Variants in TRAFD1 observed in about 807,000 individuals in gnomAD.
The protein encoded by TRAFD1 is TRAF-type zinc finger domain-containing protein 1.
A neutral mutation model predicts 65.3 loss-of-function variants in TRAFD1; 38 were observed. The ratio of observed to expected loss-of-function variants is 0.58; its 90% CI spans 0.45 to 0.76. The LOEUF is 0.76. Ranked by LOEUF, TRAFD1 falls within the 30% of genes least tolerant of loss-of-function variation. The pLI, the probability that TRAFD1 is intolerant of heterozygous loss-of-function variation, is 0.00. For missense variants in TRAFD1, 631 were observed against 712.6 expected (o/e 0.89, Z 1.30); for synonymous variants, 223 against 257.2 (o/e 0.87, Z 1.27).
At chr12:112,127,112 C>G (rs1009675346) in intron 1 of TRAFD1, among the ~76,000 whole-genome samples, 1 of 151,746 alleles carries the variant, frequency 6.6e-6, no homozygotes, top group African/African-American at 2.4e-5. Flanking sequence ...TCTGCCTTTA[C>G]TTTCTCTTTC....
chr12:112,152,553 C>A lies in TRAFD1; in HGVS notation c.1692+54C>A. 1.2e-6 allele frequency: 2 copies of A among 1,606,144 alleles called. No individual in the cohort carries two copies. Among genetic ancestry groups the A allele is most frequent in the Non-Finnish European group, 8.5e-7 (1 of 1,173,516 alleles). On this transcript the variant is annotated intron_variant, in intron 11 of 11. Coordinates refer to ENST00000412615, the MANE Select transcript of TRAFD1 (RefSeq NM_006700.3). This position sits in a 1 kb window ranked among gnomAD's most constrained non-coding sequence, Gnocchi z 5.0. ...AGTGGGGGACTCAGACATGGTGGGGCTTGTGTGGCTCCTGAAGTTGTAGAA... is the reference window on the plus strand; with the variant it reads ...AGTGGGGGACTCAGACATGGTGGGGATTGTGTGGCTCCTGAAGTTGTAGAA...
chr12:112,151,049 CT>C (rs890178897), intron 9 of TRAFD1, among the ~76,000 whole-genome samples: 20 of 151,956 alleles, frequency 1.3e-4, no homozygotes, highest in Admixed American at 7.2e-4. Flanking sequence ...ACCAGCCTGG[CT>C]GACATCATGA....
chr12:112,140,724 A>G, intron 4 of TRAFD1, 95 bp from the exon 5 acceptor site: 1 of 1,409,110 alleles, frequency 7.1e-7, no homozygotes, highest in Non-Finnish European at 9.7e-7. Flanking sequence ...TTGGAAGAGA[A>G]GATTGCAGTA....
chr12:112,152,413 T>C lies in TRAFD1; in HGVS notation c.1620-14T>C, dbSNP rs769561525. On this transcript the variant is annotated splice_polypyrimidine_tract_variant and intron_variant, in intron 10 of 11. Transcript: ENST00000412615. This position sits in a 1 kb window ranked among gnomAD's most constrained non-coding sequence, Gnocchi z 5.0. ...GGACACTTCAGGAGCTAGTTTCTAA[T>C]TGTTTTCTTTCAGTGGTAGGAGTGA... 1.9e-6 allele frequency: 3 copies of C among 1,611,872 alleles called. No individual in the cohort carries two copies. Among genetic ancestry groups the C allele is most frequent in the Non-Finnish European group, 2.5e-6 (3 of 1,180,026 alleles).
Position 112,149,764 on chromosome 12 carries a change from A to G in TRAFD1, c.1172A>G (p.Gln391Arg), listed in dbSNP as rs1035942152. ...VLFHHQDQCD[Q>R]RPATATNHVT... The stretch of plus-strand genomic sequence containing the variant: ...TTTCTTGTTTAGGACCAGTGTGACC[A>G]ACGCCCAGCCACTGCAACCAACCAT... Residue 391 changes from glutamine (Q) to arginine (R), a missense_variant, in exon 9 of 12, where the codon CAA becomes CGA. By Grantham distance (43) the Gln-to-Arg change is conservative (BLOSUM62 1). Coordinates refer to ENST00000412615, the MANE Select transcript of TRAFD1 (RefSeq NM_006700.3). 10 of 1,614,146 alleles carry G rather than the reference A, an allele frequency of 6.2e-6. No homozygotes were observed. The highest frequency in any genetic ancestry group is 8.5e-6 in the Non-Finnish European group (10 of 1,179,994).
intron 5 of TRAFD1, chr12:112,141,819 T>G: frequency 2.6e-6 from 1 of 385,212 alleles, no homozygotes; most frequent in East Asian, 4.3e-5. Context: ...AAAATAAGTA[T>G]AAAATGTTTA....
chr12:112,127,404 C>T (rs1292392720), intron 1 of TRAFD1, among the ~76,000 whole-genome samples: 2 of 152,210 alleles, frequency 1.3e-5, no homozygotes, highest in Non-Finnish European at 2.9e-5. Context: ...TTATCAGAGA[C>T]TATATTTCCT....
intron 5 of TRAFD1, 92 bp from the exon 6 acceptor site, chr12:112,141,997 G>T (rs2030100029): frequency 7.0e-7 from 1 of 1,427,672 alleles, no homozygotes; most frequent in East Asian, 2.4e-5. Context: ...CCGGATGCCT[G>T]TAAACCTTGA....
rs568551755 is a variant in TRAFD1 at position 112,130,752 on chromosome 12, G to C, written c.47+183G>C. ...ATCTCTTTCCTGATGAAATGAAACC[G>C]GTTGTAAAGTTAATAATCAGCTGGT... On this transcript the variant is annotated intron_variant, in intron 2 of 11. Transcript: ENST00000412615. This position sits in a 1 kb window ranked among gnomAD's most constrained non-coding sequence, Gnocchi z 4.4. 2.0e-5 allele frequency among the ~76,000 whole-genome samples: 3 copies of C among 152,164 alleles called. No homozygotes were observed. The highest frequency in any genetic ancestry group is 2.0e-4 in the Admixed American group (3 of 15,260).
chr12:112,141,262 C>A, intron 5 of TRAFD1, 38 bp downstream of exon 5: 2 of 1,597,064 alleles, frequency 1.3e-6, no homozygotes, highest in South Asian at 2.2e-5. Flanking sequence ...AGAATGGTAT[C>A]AAAATCCCAA....
intron 6 of TRAFD1, among the ~76,000 whole-genome samples, chr12:112,145,296 T>G (rs2030208036): frequency 6.6e-6 from 1 of 152,216 alleles, no homozygotes; most frequent in African/African-American, 2.4e-5. Context: ...CTATGGTTAT[T>G]ACACATTTAA....
In TRAFD1 at chr12:112,140,867, G is replaced by C; in HGVS notation, c.286G>C (p.Glu96Gln). Reference sequence around the variant, plus strand: ...TGCTGTCTGCCAGCACTGTGATTTAGAACTTTCCATTCTCAAACTGAAGGA... The same window carrying C: ...TGCTGTCTGCCAGCACTGTGATTTACAACTTTCCATTCTCAAACTGAAGGA... ...RLAVCQHCDL[E>Q]LSILKLKEHE... The change falls in exon 5 of 12, where the codon GAA becomes CAA. Residue 96 changes from glutamate to glutamine, a missense_variant. Transcript: ENST00000412615. 1.2e-6 allele frequency: 2 copies of C among 1,614,134 alleles called. No homozygotes were observed. Among genetic ancestry groups the C allele is most frequent in the Non-Finnish European group, 1.7e-6 (2 of 1,180,020 alleles).
intron 5 of TRAFD1, 33 bp from the exon 6 acceptor site, chr12:112,142,056 T>C (rs749334920): frequency 1.2e-6 from 2 of 1,605,474 alleles, no homozygotes; most frequent in South Asian, 2.2e-5. Flanking sequence ...ATTTCTAATG[T>C]ATCCTGAATG....
At chr12:112,132,353 G>A (rs372332602) in intron 2 of TRAFD1, among the ~76,000 whole-genome samples, 2 of 152,086 alleles carry the variant, frequency 1.3e-5, no homozygotes, top group Non-Finnish European at 2.9e-5. Flanking sequence ...GTGTTACAGA[G>A]TATATAATTT....
intron 1 of TRAFD1, among the ~76,000 whole-genome samples, chr12:112,126,891 T>A (rs1372064469): frequency 6.6e-6 from 1 of 152,264 alleles, no homozygotes; most frequent in South Asian, 2.1e-4. Context: ...AGACCTCCAG[T>A]GATCTGCCCA....
intron 1 of TRAFD1, chr12:112,125,998 G>A (rs936414471): frequency 6.6e-6 from 1 of 152,272 alleles, no homozygotes; most frequent in African/African-American, 2.4e-5. Flanking sequence ...GGCCTAATGC[G>A]GCCTCGAAGC....
At chr12:112,131,796 GA>G (rs1195588078) in intron 2 of TRAFD1, among the ~76,000 whole-genome samples, 1 of 152,062 alleles carries the variant, frequency 6.6e-6, no homozygotes, top group African/African-American at 2.4e-5. Context: ...AATTTTAAAA[GA>G]AAAAAACCCA....
At chr12:112,151,742 C>T (rs934257598) in intron 9 of TRAFD1, 59 bp from the exon 10 acceptor site, 13 of 1,508,932 alleles carry the variant, frequency 8.6e-6, no homozygotes, top group Non-Finnish European at 9.9e-6. Context: ...CTGCCCTAAA[C>T]CTGGCACTAT....
Position 112,145,679 on chromosome 12 carries a change from T to C in TRAFD1, c.927+17T>C, listed in dbSNP as rs758823632. 15 of 1,612,796 alleles carry C rather than the reference T, an allele frequency of 9.3e-6. No individual in the cohort carries two copies. The highest frequency in any genetic ancestry group is 1.3e-5 in the Non-Finnish European group (15 of 1,178,884). On this transcript the variant is annotated intron_variant, in intron 7 of 11. Coordinates refer to ENST00000412615, the MANE Select transcript of TRAFD1 (RefSeq NM_006700.3). Reference sequence around the variant, plus strand: ...GACCATCAGGTGTGTTATGAATTACTTGAGGACTTTTAGTAGGATTGTATG... The same window carrying C: ...GACCATCAGGTGTGTTATGAATTACCTGAGGACTTTTAGTAGGATTGTATG...
Sources: allele counts gnomAD v4.1 joint callset (sites outside exome capture counted in the v4.1 genomes callset), GRCh38; gene constraint gnomAD v4.1.1; non-coding constraint Gnocchi (gnomAD v3.1); transcripts MANE v1.5; gene names NCBI Gene and HGNC (gene_info 2026-07-23, HGNC 2026-07-21).